The following HDGFL2 variants were observed in gnomAD, a reference collection of about 807,000 sequenced individuals.
HDGFL2 encodes HDGF like 2, also known as hepatoma-derived growth factor-related protein 2.
HDGFL2 carries 36 observed loss-of-function variants against 77.1 expected under a neutral mutation model. The ratio of observed to expected loss-of-function variants is 0.47; its 90% CI spans 0.36 to 0.62. The LOEUF (loss-of-function observed/expected upper bound fraction) is 0.62. Among genes scored for constraint, HDGFL2 ranks in the 20% least tolerant of loss-of-function variants. HDGFL2 has a pLI of 0.00. For missense variants in HDGFL2, 976 were observed against 973.4 expected (o/e 1.00, Z -0.04); for synonymous variants, 463 against 413.1 (o/e 1.12, Z -1.46).
intron 3 of HDGFL2, among the ~76,000 whole-genome samples, chr19:4,484,405 C>T (rs923228171): frequency 3.3e-5 from 5 of 152,082 alleles, no homozygotes; most frequent in Admixed American, 2.6e-4. Context: ...TATTTTTTTT[C>T]CCATCGAGAT....
intron 3 of HDGFL2, among the ~76,000 whole-genome samples, chr19:4,483,542 G>A (rs528457390): frequency 1.3e-5 from 2 of 152,268 alleles, no homozygotes; most frequent in Non-Finnish European, 2.9e-5. Context: ...CATCCGCCCA[G>A]CCCTGCACCG....
intron 3 of HDGFL2, among the ~76,000 whole-genome samples, chr19:4,482,950 G>A (rs187866505): frequency 6.6e-6 from 1 of 152,058 alleles, no homozygotes; most frequent in Admixed American, 6.6e-5. Flanking sequence ...GAAGGAGCCC[G>A]GGGCTCCTCA....
intron 3 of HDGFL2, among the ~76,000 whole-genome samples, chr19:4,487,090 G>A (rs1009477950): frequency 2.0e-5 from 3 of 151,032 alleles, no homozygotes; most frequent in Non-Finnish European, 4.4e-5. Flanking sequence ...TCAGCCTCCC[G>A]AGTAGCTGGG....
At chr19:4,497,644 G>T in intron 10 of HDGFL2, 1 of 429,526 alleles carries the variant, frequency 2.3e-6, no homozygotes, top group East Asian at 4.6e-5. Context: ...CACCCTTGAG[G>T]GCCTTTTCCT....
chr19:4,487,216 G>A (rs148667281), intron 3 of HDGFL2, among the ~76,000 whole-genome samples: 3,676 of 152,094 alleles, frequency 0.024, 67 homozygotes, highest in Non-Finnish European at 0.036. Context: ...TCCACCCACC[G>A]CGGCCTCCCA....
At chr19:4,500,134 G>A (rs1180955665) in intron 14 of HDGFL2, among the ~76,000 whole-genome samples, 1 of 152,242 alleles carries the variant, frequency 6.6e-6, no homozygotes, top group Non-Finnish European at 1.5e-5. Context: ...GACAGGAGAT[G>A]AGGTGTGACC....
intron 10 of HDGFL2, chr19:4,497,201 T>TTTTTG (rs71862010): frequency 0.14 from 56,380 of 412,664 alleles, 4,061 homozygotes; most frequent in South Asian, 0.2. Flanking sequence ...TTTGTTTTTG[T>TTTTTG]TTTTTTTTGA....
chr19:4,494,035 C>T lies in HDGFL2; in HGVS notation c.892C>T (p.Pro298Ser), dbSNP rs1975627437. 6.2e-7 allele frequency: 1 copy of T among 1,610,128 alleles called. No homozygotes were observed. Among genetic ancestry groups the T allele is most frequent in the Admixed American group, 1.7e-5 (1 of 59,674 alleles). ...GCGGAAACCGAAGCCTGAACGGCCT[C>T]CGTCCAGCTCCAGCAGTGACAGGTG... ...RGRKPKPERP[P>S]SSSSSDSDSD... The change falls in exon 8 of 16, where the codon CCG (proline) becomes TCG (serine). Residue 298 changes from proline to serine, a missense_variant. By Grantham distance (74) the Pro-to-Ser change is moderately conservative. Around this residue, in one of 5 missense-constraint regions of HDGFL2, gnomAD observed 567 missense variants for 534.7 expected, o/e 1.06. Coordinates refer to ENST00000616600, the MANE Select transcript of HDGFL2 (RefSeq NM_001001520.3).
chr19:4,491,249 A>ACCCACCCC (rs1201078150), intron 4 of HDGFL2, among the ~76,000 whole-genome samples: 704 of 39,412 alleles, frequency 0.018, 8 homozygotes, highest in Non-Finnish European at 0.024. Context: ...CACTCCCACC[A>ACCCACCCC]CCCACCCCCC....
chr19:4,475,198 C>A (rs1242723496), intron 1 of HDGFL2, 77 bp from the exon 2 acceptor site: 1 of 1,326,754 alleles, frequency 7.5e-7, no homozygotes, highest in Non-Finnish European at 1.1e-6. Flanking sequence ...TGATTTGCCC[C>A]AAGTAACTTG....
intron 6 of HDGFL2, among the ~76,000 whole-genome samples, chr19:4,492,395 G>C (rs1975539710): frequency 6.6e-6 from 1 of 151,856 alleles, no homozygotes; most frequent in Non-Finnish European, 1.5e-5. Flanking sequence ...GTGTGTGTGT[G>C]TGCTGTACCT....
At position 4,497,962 on chromosome 19, in the gene HDGFL2, G is replaced by C; in HGVS notation, c.1333G>C (p.Val445Leu). 1.3e-6 allele frequency: 2 copies of C among 1,553,118 alleles called. No individual in the cohort carries two copies. The highest frequency in any genetic ancestry group is 1.7e-4 in the Middle Eastern group (1 of 5,992). Residue 445 changes from valine (V) to leucine (L), a missense_variant, in exon 11 of 16, where the codon GTG becomes CTG. By Grantham distance (32) the Val-to-Leu change is conservative. Transcript: ENST00000616600. Reference protein sequence around the residue: ...RPEEKQQAKPVKVERTRKRSE... With the variant: ...RPEEKQQAKPLKVERTRKRSE... Reference sequence around the variant, plus strand: ...GAGGGGAGCACTTCTCCACAGGCCCGTGAAGGTGGAGCGGACCCGGAAGCG... The same window carrying C: ...GAGGGGAGCACTTCTCCACAGGCCCCTGAAGGTGGAGCGGACCCGGAAGCG...
At position 4,475,427 on chromosome 19, in the gene HDGFL2, C is replaced by T; in HGVS notation, c.150-18C>T. ...TGGCCTCACTCACCTGGGACTGGCCCCCGTTTCCCTTCTCCAGAGCCTTCC... is the reference window on the plus strand; with the variant it reads ...TGGCCTCACTCACCTGGGACTGGCCTCCGTTTCCCTTCTCCAGAGCCTTCC... On this transcript the variant is annotated intron_variant, in intron 2 of 15. Coordinates refer to ENST00000616600, the MANE Select transcript of HDGFL2 (RefSeq NM_001001520.3). 1 of 1,613,962 alleles carries T rather than the reference C, an allele frequency of 6.2e-7. No homozygotes were observed. Among genetic ancestry groups the T allele is most frequent in the East Asian group, 2.2e-5 (1 of 44,878 alleles).
chr19:4,492,833 C>A (rs1975559200), intron 6 of HDGFL2, among the ~76,000 whole-genome samples: 1 of 129,640 alleles, frequency 7.7e-6, no homozygotes, highest in Non-Finnish European at 1.6e-5. Context: ...TGTGTGTTAT[C>A]TGTGTGGTGT....
chr19:4,479,349 C>T (rs1291611404), intron 3 of HDGFL2, among the ~76,000 whole-genome samples: 6 of 151,670 alleles, frequency 4.0e-5, no homozygotes, highest in South Asian at 2.1e-4. Flanking sequence ...TTTGGGAGGC[C>T]GAGGCGGGCA....
chr19:4,502,133 G>GA lies in HDGFL2; in HGVS notation c.*123_*124insA. On this transcript the variant is annotated 3_prime_UTR_variant, in exon 16 of 16. Coordinates refer to ENST00000616600, the MANE Select transcript of HDGFL2 (RefSeq NM_001001520.3). ...GTGCTGTTTGTATTTGTTCCCTTGG[G>GA]TTTTTTTTTCCTGCCTAATTTCTGT... 1 of 753,344 alleles carries GA rather than the reference G, an allele frequency of 1.3e-6. No individual in the cohort carries two copies. The highest frequency in any genetic ancestry group is 1.5e-5 in the South Asian group (1 of 65,760). 46.7% of individuals were successfully genotyped at this position (753,344 alleles called of 1,614,324 possible). A position where few individuals can be genotyped will look rare whatever the true frequency, so the allele number is the denominator to read the frequency against.
intron 2 of HDGFL2, 43 bp downstream of exon 2, chr19:4,475,394 TC>T (rs1445160876): frequency 6.2e-7 from 1 of 1,613,972 alleles, no homozygotes. Context: ...CTCTGGTGCC[TC>T]CCGGGGTGGC....
chr19:4,472,746 C>G (rs1465348334), intron 1 of HDGFL2, among the ~76,000 whole-genome samples: 1 of 147,172 alleles, frequency 6.8e-6, no homozygotes, highest in Non-Finnish European at 1.5e-5. Context: ...TGCAGGGAGC[C>G]GCGTTCTTGT....
intron 3 of HDGFL2, among the ~76,000 whole-genome samples, chr19:4,486,172 G>T (rs1210556649): frequency 6.6e-6 from 1 of 152,060 alleles, no homozygotes; most frequent in African/African-American, 2.4e-5. Flanking sequence ...TTCCACGCTG[G>T]CAAGGCTGGC....
Sources: allele counts gnomAD v4.1 joint callset (sites outside exome capture counted in the v4.1 genomes callset), GRCh38; gene constraint gnomAD v4.1.1; regional missense constraint gnomAD v4.1.1; transcripts MANE v1.5; gene names NCBI Gene and HGNC (gene_info 2026-07-23, HGNC 2026-07-21).